Variants in AXIN1 observed in about 807,000 individuals in gnomAD.
The protein encoded by AXIN1 is axin-1.
In AXIN1, 30 loss-of-function variants were observed where a neutral mutation model predicts 76.4. The observed-to-expected ratio is 0.39, with a 90% confidence interval of 0.29 to 0.53. AXIN1 has a LOEUF of 0.53. Ranked by LOEUF, AXIN1 falls within the 20% of genes least tolerant of loss-of-function variation. The pLI is 0.66. For missense variants in AXIN1, 1,140 were observed against 1,198.8 expected (o/e 0.95, Z 0.72); for synonymous variants, 545 against 501.4 (o/e 1.09, Z -1.16).
chr16:329,289 A>T (rs1394144423), intron 2 of AXIN1, among the ~76,000 whole-genome samples: 1 of 151,810 alleles, frequency 6.6e-6, no homozygotes, highest in Non-Finnish European at 1.5e-5. Flanking sequence ...AAAAAAAAAA[A>T]AAAAAAGATA....
At position 304,412 on chromosome 16, in the gene AXIN1, G is replaced by A. The variant is rs1408523672; in HGVS notation, c.1146C>T (p.Arg382=). Residue 382 remains arginine (R), a synonymous_variant, in exon 5 of 11, where the codon CGC becomes CGT. Coordinates refer to ENST00000262320, the MANE Select transcript of AXIN1 (RefSeq NM_003502.4). The stretch of plus-strand genomic sequence containing the variant: ...CCTCCGCGAACTTCTGAGGCTCCAC[G>A]CGGACCTCCTTCGGCACCCGGTACG... ...PRTYRVPKEV[R]VEPQKFAEEL... The A allele has an allele frequency of 6.8e-6, 11 of 1,612,634 alleles. No homozygotes were observed. The highest frequency in any genetic ancestry group is 2.2e-5 in the East Asian group (1 of 44,896).
chr16:343,766 C>G (rs2053975550), intron 2 of AXIN1, among the ~76,000 whole-genome samples: 1 of 151,204 alleles, frequency 6.6e-6, no homozygotes, highest in Non-Finnish European at 1.5e-5. Context: ...GTAATCCCAG[C>G]ACTTTGGGAG....
intron 1 of AXIN1, among the ~76,000 whole-genome samples, chr16:351,256 G>A (rs940136618): frequency 3.9e-5 from 6 of 152,140 alleles, no homozygotes; most frequent in African/African-American, 1.4e-4. Flanking sequence ...TGAAGAAGCA[G>A]AGAACAGAAG....
chr16:291,925 G>C (rs912964736), intron 8 of AXIN1: 11 of 157,960 alleles, frequency 7.0e-5, no homozygotes, highest in African/African-American at 2.6e-4. Flanking sequence ...TCCCCTGGAC[G>C]GACAAACCCA....
At chr16:299,069 C>T in intron 5 of AXIN1, 1 of 985,262 alleles carries the variant, frequency 1.0e-6, no homozygotes, top group South Asian at 4.7e-5. Context: ...GCCCGGCCTC[C>T]CATTATATTT....
chr16:347,335 G>A (rs2054053234), intron 1 of AXIN1, among the ~76,000 whole-genome samples: 1 of 152,212 alleles, frequency 6.6e-6, no homozygotes, highest in South Asian at 2.1e-4. Context: ...GCTAAGAAGG[G>A]ATGCCCAGGA....
intron 5 of AXIN1, 88 bp from the exon 6 acceptor site, chr16:298,339 C>G: frequency 6.6e-7 from 1 of 1,519,540 alleles, no homozygotes; most frequent in Non-Finnish European, 8.8e-7. Context: ...CCCAGCAGCC[C>G]CAGCAGATGC....
chr16:328,134 G>A (rs1337441289), intron 2 of AXIN1, among the ~76,000 whole-genome samples: 2 of 152,200 alleles, frequency 1.3e-5, no homozygotes, highest in African/African-American at 4.8e-5. Context: ...GCTCACACCT[G>A]TAATCCCAGC....
At chr16:327,449 G>C (rs1205700843) in intron 2 of AXIN1, among the ~76,000 whole-genome samples, 1 of 152,270 alleles carries the variant, frequency 6.6e-6, no homozygotes, top group Non-Finnish European at 1.5e-5. Context: ...AGGCCTCGCT[G>C]TGGTTCCACG....
chr16:304,208 G>C, intron 5 of AXIN1, 96 bp downstream of exon 5: 1 of 1,589,244 alleles, frequency 6.3e-7, no homozygotes. Flanking sequence ...GCCTCGGCCA[G>C]CCCCGGGCAT....
intron 2 of AXIN1, among the ~76,000 whole-genome samples, chr16:339,402 T>G (rs1321282713): frequency 7.1e-6 from 1 of 141,024 alleles, no homozygotes; most frequent in African/African-American, 2.7e-5. Flanking sequence ...TCCCAGCTGC[T>G]GAGGAGGCTG....
At chr16:288,377 G>C (rs955871252) in intron 10 of AXIN1, 129 bp from the exon 11 acceptor site, 4 of 1,372,368 alleles carry the variant, frequency 2.9e-6, no homozygotes, top group Non-Finnish European at 4.1e-6. Context: ...GGCCCCCACT[G>C]CATGTGCGCC....
intron 4 of AXIN1, among the ~76,000 whole-genome samples, chr16:306,691 T>C (rs1005826245): frequency 2.0e-5 from 3 of 152,210 alleles, no homozygotes; most frequent in Non-Finnish European, 4.4e-5. Context: ...AGCCACAGGC[T>C]TCACTTCAAG....
In AXIN1 at chr16:298,051, C is replaced by G. The variant is rs2141513638; in HGVS notation, c.1455G>C (p.Gln485His). 1.3e-6 allele frequency: 2 copies of G among 1,579,584 alleles called. No individual in the cohort carries two copies. The highest frequency in any genetic ancestry group is 1.7e-6 in the Non-Finnish European group (2 of 1,168,364). ...VQRVLRTPGR[Q>H]SPGPGHRSPD... is the part of the protein sequence containing the mutation. ...GGGAGCGATGGCCAGGCCCAGGCGA[C>G]TGGCGGCCAGGTGTCCTCAGCACAC... Residue 485 changes from glutamine (Q) to histidine (H), a missense_variant, in exon 6 of 11, where the codon CAG becomes CAC. Transcript: ENST00000262320.
chr16:295,795 G>A (rs146097177), intron 7 of AXIN1, among the ~76,000 whole-genome samples: 1,567 of 151,264 alleles, frequency 0.01, 26 homozygotes, highest in African/African-American at 0.036. Flanking sequence ...CCCCTGCCCC[G>A]GTCTCTACTA....
intron 5 of AXIN1, among the ~76,000 whole-genome samples, chr16:303,582 A>T (rs214240): frequency 6.6e-6 from 1 of 151,648 alleles, no homozygotes; most frequent in South Asian, 2.1e-4. Context: ...GGGTTTCACC[A>T]TTTTGGCCAG....
At chr16:307,822 A>G (rs1171337620) in intron 4 of AXIN1, among the ~76,000 whole-genome samples, 1 of 152,222 alleles carries the variant, frequency 6.6e-6, no homozygotes, top group Non-Finnish European at 1.5e-5. Flanking sequence ...ACGTCCTGCT[A>G]GCTTATCGGC....
chr16:297,936 G>T lies in AXIN1; in HGVS notation c.1570C>A (p.Leu524Met). The change falls in exon 6 of 11, where the codon CTG (leucine) becomes ATG (methionine). Residue 524 changes from leucine to methionine, a missense_variant. Leu to Met is a conservative substitution (Grantham distance 15). Coordinates refer to ENST00000262320, the MANE Select transcript of AXIN1 (RefSeq NM_003502.4). ...TGGTGGTGCAGGCCGGCCGCGTCCAGCTTCGCCCCTGACTTGGGTACGTGC... is the reference window on the plus strand; with the variant it reads ...TGGTGGTGCAGGCCGGCCGCGTCCATCTTCGCCCCTGACTTGGGTACGTGC... ...GKHVPKSGAK[L>M]DAAGLHHHRH... 6.2e-7 allele frequency: 1 copy of T among 1,601,726 alleles called. No homozygotes were observed. Among genetic ancestry groups the T allele is most frequent in the Non-Finnish European group, 8.5e-7 (1 of 1,174,302 alleles).
chr16:297,838 G>T lies in AXIN1; in HGVS notation c.1668C>A (p.Arg556=), dbSNP rs1224777641. ...PKEQVEAEAT[R]RAQSSFAWGL... ...CCCAGGCGAAGCTGCTCTGGGCCCT[G>T]CGGGTGGCCTCGGCCTCCACCTGCT... The change falls in exon 6 of 11, where the codon CGC becomes CGA. Residue 556 remains arginine (R), a synonymous_variant. Transcript: ENST00000262320. 6.3e-6 allele frequency: 10 copies of T among 1,576,786 alleles called. No homozygotes were observed. Among genetic ancestry groups the T allele is most frequent in the Admixed American group, 1.7e-5 (1 of 57,766 alleles).
Sources: gnomAD v4.1 joint callset for allele counts (sites outside exome capture counted in the v4.1 genomes callset) on GRCh38, gnomAD v4.1.1 for gene constraint, MANE v1.5 for transcripts, NCBI Gene and HGNC (gene_info 2026-07-23, HGNC 2026-07-21) for gene names.